BBS9: variants seen among roughly 807,000 people sequenced by gnomAD.
The protein encoded by BBS9 is protein PTHB1.
A neutral mutation model predicts 117.7 loss-of-function variants in BBS9; 89 were observed. That is an observed-to-expected ratio of 0.76 (90% CI 0.64 to 0.90). The LOEUF is 0.90. Ranked by LOEUF, BBS9 falls within the 40% of genes least tolerant of loss-of-function variation. The pLI is 0.00. For missense variants in BBS9, 982 were observed against 1,042.2 expected (o/e 0.94, Z 0.80); for synonymous variants, 379 against 370.9 (o/e 1.02, Z -0.25).
At chr7:33,604,210 A>G (rs1035053822) in intron 21 of BBS9, among the ~76,000 whole-genome samples, 11 of 152,216 alleles carry the variant, frequency 7.2e-5, no homozygotes, top group Non-Finnish European at 1.5e-5. Flanking sequence ...AGTTTCCCAT[A>G]CAAGATTTTG....
chr7:33,560,308 A>G (rs774442412), intron 21 of BBS9, among the ~76,000 whole-genome samples: 3 of 151,982 alleles, frequency 2.0e-5, no homozygotes, highest in Non-Finnish European at 4.4e-5. Flanking sequence ...TATTCTGGGT[A>G]GGAACAAGAT....
At chr7:33,620,570 A>G (rs1394666991) in intron 21 of BBS9, among the ~76,000 whole-genome samples, 4 of 152,098 alleles carry the variant, frequency 2.6e-5, no homozygotes, top group African/African-American at 9.7e-5. Flanking sequence ...AAAACTATAA[A>G]GCATTGATGA....
intron 9 of BBS9, among the ~76,000 whole-genome samples, chr7:33,302,668 T>G (rs1356833106): frequency 6.6e-6 from 1 of 152,198 alleles, no homozygotes; most frequent in Admixed American, 6.5e-5. Flanking sequence ...CATTGCTGTA[T>G]TAGTTATGGT....
At chr7:33,535,810 A>T (rs545489916) in intron 21 of BBS9, among the ~76,000 whole-genome samples, 13 of 152,060 alleles carry the variant, frequency 8.5e-5, no homozygotes, top group Non-Finnish European at 1.3e-4. Context: ...AAAGAGAGAG[A>T]GAGAAAAAAA....
rs187955368 is a variant in BBS9, at chr7:33,340,341, G to A, written c.1199-556G>A. Reference sequence around the variant, plus strand: ...TTTGGAGTTTTTAAAATATCAGTATGTAAAGATGGACAGCACCCTTATTTA... The same window carrying A: ...TTTGGAGTTTTTAAAATATCAGTATATAAAGATGGACAGCACCCTTATTTA... On this transcript the variant is annotated intron_variant, in intron 10 of 22. Transcript: ENST00000242067. 3.3e-4 allele frequency among the ~76,000 whole-genome samples: 50 copies of A among 152,262 alleles called. No individual in the cohort carries two copies. The South Asian group carries it at 9.1e-3, about 28-fold the overall frequency.
intron 21 of BBS9, among the ~76,000 whole-genome samples, chr7:33,592,175 G>T (rs1862033862): frequency 6.6e-6 from 1 of 151,880 alleles, no homozygotes; most frequent in East Asian, 1.9e-4. Flanking sequence ...TGTGTATTTG[G>T]CTGTAACTTG....
At chr7:33,427,752 ATTTGATGCTC>A (rs1563162432) in intron 19 of BBS9, among the ~76,000 whole-genome samples, 2 of 152,296 alleles carry the variant, frequency 1.3e-5, no homozygotes, top group South Asian at 4.2e-4. Flanking sequence ...ATGTGAAGAA[ATTTGATGCTC>A]TTCGAGGTGG....
chr7:33,516,487 C>CAA (rs61006845), intron 20 of BBS9, among the ~76,000 whole-genome samples: 1,369 of 50,292 alleles, frequency 0.027, 53 homozygotes, highest in East Asian at 0.061. Context: ...ATTTCATCTC[C>CAA]AAAAAAAAAA....
intron 19 of BBS9, among the ~76,000 whole-genome samples, chr7:33,445,964 CCT>C (rs1290565875): frequency 6.6e-6 from 1 of 152,032 alleles, no homozygotes; most frequent in African/African-American, 2.4e-5. Context: ...TATAAATTAC[CCT>C]GTCTCAAGTA....
chr7:33,540,110 T>C (rs570370542), intron 21 of BBS9, among the ~76,000 whole-genome samples: 1 of 152,318 alleles, frequency 6.6e-6, no homozygotes, highest in East Asian at 1.9e-4. Context: ...ATTATATATG[T>C]AAAAACTTAG....
chr7:33,290,646 T>A (rs909025250), intron 9 of BBS9, among the ~76,000 whole-genome samples: 3 of 152,194 alleles, frequency 2.0e-5, no homozygotes, highest in Non-Finnish European at 4.4e-5. Flanking sequence ...TTTTAAAAAA[T>A]TTTTTAGTGT....
At chr7:33,158,731 T>C (rs1794424395) in intron 4 of BBS9, among the ~76,000 whole-genome samples, 1 of 152,160 alleles carries the variant, frequency 6.6e-6, no homozygotes, top group African/African-American at 2.4e-5. Flanking sequence ...GTATAGGTGC[T>C]TTTCTTATTC....
chr7:33,505,217 T>G (rs1845969658), intron 19 of BBS9, among the ~76,000 whole-genome samples: 1 of 149,744 alleles, frequency 6.7e-6, no homozygotes. Context: ...CTGTCCCTGC[T>G]AAGCTTATTT....
Position 33,310,201 on chromosome 7 carries a change from G to A in BBS9, c.1017-26240G>A, listed in dbSNP as rs560238189. Among the ~76,000 whole-genome samples the A allele has an allele frequency of 1.4e-4, 22 of 152,216 alleles. 1 individual carries two copies. The South Asian group carries it at 4.6e-3, about 32-fold the overall frequency. ...GATGGCTTCATACCCAGCTTTCCCAGGCTAACACTTAGGAATCATCTTTGA... is the reference window on the plus strand; with the variant it reads ...GATGGCTTCATACCCAGCTTTCCCAAGCTAACACTTAGGAATCATCTTTGA... On this transcript the variant is annotated intron_variant, in intron 9 of 22. Transcript: ENST00000242067.
chr7:33,198,971 T>C (rs963276543), intron 5 of BBS9, among the ~76,000 whole-genome samples: 1 of 152,030 alleles, frequency 6.6e-6, no homozygotes, highest in African/African-American at 2.4e-5. Context: ...GAATATGATG[T>C]TTAACTTTTG....
At chr7:33,521,271 G>C (rs1233073549) in intron 20 of BBS9, among the ~76,000 whole-genome samples, 1 of 152,198 alleles carries the variant, frequency 6.6e-6, no homozygotes, top group Non-Finnish European at 1.5e-5. Flanking sequence ...GGATCAGAGT[G>C]GGTTGGTTTG....
chr7:33,274,065 A>T lies in BBS9; in HGVS notation c.1016+109A>T, dbSNP rs1214965580. 1.2e-5 allele frequency: 14 copies of T among 1,206,218 alleles called. No individual in the cohort carries two copies. In the South Asian group the frequency reaches 1.8e-4, roughly 15 times the overall value. The allele number at this position is 1,206,218 out of a possible 1,614,324, so 74.7% of individuals were successfully genotyped here. On this transcript the variant is annotated intron_variant, in intron 9 of 22. Coordinates refer to ENST00000242067, the MANE Select transcript of BBS9 (RefSeq NM_198428.3). ...ATTTTATTAAAAAATTACAGGTGACATTGTAGTATGAATGTCAATAATAAA... is the reference window on the plus strand; with the variant it reads ...ATTTTATTAAAAAATTACAGGTGACTTTGTAGTATGAATGTCAATAATAAA...
chr7:33,270,021 C>CAAAAAA (rs148600222), intron 7 of BBS9, among the ~76,000 whole-genome samples: 34 of 124,756 alleles, frequency 2.7e-4, no homozygotes, highest in African/African-American at 9.3e-4. Flanking sequence ...GACTCTGTCT[C>CAAAAAA]AAAAAAAAAA....
intron 17 of BBS9, among the ~76,000 whole-genome samples, chr7:33,376,402 T>C (rs903276092): frequency 6.6e-6 from 1 of 152,216 alleles, no homozygotes; most frequent in African/African-American, 2.4e-5. Context: ...CACAGTATTC[T>C]ATGATGTATC....
Sources: gnomAD v4.1 joint callset for allele counts (sites outside exome capture counted in the v4.1 genomes callset) on GRCh38, gnomAD v4.1.1 for gene constraint, MANE v1.5 for transcripts, NCBI Gene and HGNC (gene_info 2026-07-23, HGNC 2026-07-21) for gene names.